Variants in ADAM32 observed in about 807,000 individuals in gnomAD.
ADAM32 encodes the protein ADAM metallopeptidase domain 32, also known as disintegrin and metalloproteinase domain-containing protein 32.
Under a neutral mutation model 114.9 loss-of-function variants are expected in ADAM32, and 89 were observed. That is an observed-to-expected ratio of 0.77 (90% CI 0.65 to 0.92). The LOEUF is 0.92. ADAM32 is among the 40% of genes least tolerant of loss of function. The pLI is 0.00. For synonymous variants in ADAM32, 285 were observed against 307.5 expected (o/e 0.93, Z 0.77); for missense variants, 870 against 932.8 (o/e 0.93, Z 0.88).
At position 39,267,450 on chromosome 8, in the gene ADAM32, G is replaced by C. The variant is rs1337510089; in HGVS notation, c.2163-3426G>C. 7.2e-5 allele frequency among the ~76,000 whole-genome samples: 11 copies of C among 152,162 alleles called. No individual in the cohort carries two copies. The East Asian group carries it at 1.9e-3, about 27-fold the overall frequency. ...TTTTATTGCTGAGAACTACTCAGCT[G>C]TATGAATATACCTTAATTTTTTTAA... On this transcript the variant is annotated intron_variant, in intron 19 of 24. Transcript: ENST00000379907.
chr8:39,190,663 C>T (rs986167130), intron 11 of ADAM32, among the ~76,000 whole-genome samples: 12 of 152,062 alleles, frequency 7.9e-5, no homozygotes, highest in African/African-American at 2.4e-4. Flanking sequence ...AATATTTTTT[C>T]GTGTCAGAAA....
chr8:39,184,084 G>C (rs1050617856), intron 10 of ADAM32, among the ~76,000 whole-genome samples: 1 of 152,218 alleles, frequency 6.6e-6, no homozygotes, highest in Non-Finnish European at 1.5e-5. Flanking sequence ...TAGAGTGCTC[G>C]AGCTGTTTAG....
intron 17 of ADAM32, among the ~76,000 whole-genome samples, chr8:39,253,929 A>G (rs1811466072): frequency 6.6e-6 from 1 of 151,626 alleles, no homozygotes. Flanking sequence ...GATGAAAAAA[A>G]TCCAGATAAT....
chr8:39,170,941 T>C (rs1302582593), intron 10 of ADAM32, among the ~76,000 whole-genome samples: 1 of 151,962 alleles, frequency 6.6e-6, no homozygotes, highest in Non-Finnish European at 1.5e-5. Flanking sequence ...TTCTAGTATA[T>C]ATATATATAT....
intron 5 of ADAM32, among the ~76,000 whole-genome samples, chr8:39,150,901 A>G (rs910040500): frequency 7.4e-5 from 10 of 134,880 alleles, no homozygotes; most frequent in African/African-American, 2.0e-4. Flanking sequence ...TACATTTGTC[A>G]TATATGCAGT....
At chr8:39,148,285 A>G (rs886754681) in intron 4 of ADAM32, among the ~76,000 whole-genome samples, 24 of 152,124 alleles carry the variant, frequency 1.6e-4, no homozygotes, top group Non-Finnish European at 2.9e-5. Context: ...TGTTCTTCAA[A>G]TATAATAGCT....
At chr8:39,130,979 C>G (rs1483130915) in intron 2 of ADAM32, 1 of 276,726 alleles carries the variant, frequency 3.6e-6, no homozygotes, top group African/African-American at 3.5e-5. Flanking sequence ...TTTTTTGAGA[C>G]AGAGTCTTGC....
chr8:39,115,584 A>G (rs1020876028), intron 1 of ADAM32, among the ~76,000 whole-genome samples: 23 of 148,612 alleles, frequency 1.5e-4, no homozygotes, highest in African/African-American at 5.4e-4. Flanking sequence ...CCATTTTTTA[A>G]TGGGTTTTTT....
intron 10 of ADAM32, among the ~76,000 whole-genome samples, chr8:39,180,653 T>C (rs1186359017): frequency 6.6e-6 from 1 of 151,700 alleles, no homozygotes; most frequent in Non-Finnish European, 1.5e-5. Context: ...ATACACCAAT[T>C]GGCACTCTGT....
chr8:39,112,519 C>A (rs12548416), intron 1 of ADAM32, among the ~76,000 whole-genome samples: 40,078 of 151,962 alleles, frequency 0.26, 5,277 homozygotes, highest in South Asian at 0.31. Context: ...CAACTTTAGA[C>A]AACGTAGCCT....
In ADAM32 at chr8:39,257,241, T is replaced by G. The variant is rs372255184; in HGVS notation, c.2060T>G (p.Phe687Cys). The change falls in exon 19 of 25, where the codon TTC becomes TGC. Residue 687 changes from phenylalanine (F) to cysteine (C), a missense_variant. Physicochemically the swap from Phe to Cys is radical, Grantham distance 205. Coordinates refer to ENST00000379907, the MANE Select transcript of ADAM32 (RefSeq NM_145004.7). ...GKTENTWLLG[F>C]LIALPILIVT... ...ACTGAAAACACCTGGCTTCTAGGTT[T>G]CCTCATTGCTCTTCCTATTCTCATT... 4 of 1,612,696 alleles carry G rather than the reference T, an allele frequency of 2.5e-6. No individual in the cohort carries two copies. The African/African-American group carries it at 5.3e-5, about 22-fold the overall frequency.
chr8:39,279,007 C>A (rs1476617879), intron 22 of ADAM32, among the ~76,000 whole-genome samples: 2 of 151,850 alleles, frequency 1.3e-5, no homozygotes, highest in Non-Finnish European at 2.9e-5. Flanking sequence ...ATTTATTCCC[C>A]CCTCAATTAA....
rs761221427 is a variant in ADAM32, at chr8:39,211,171, C to T, written c.1080C>T (p.Ser360=). The T allele has an allele frequency of 1.3e-6, 2 of 1,597,590 alleles. No individual in the cohort carries two copies. The highest frequency in any genetic ancestry group is 2.3e-5 in the East Asian group (1 of 43,956). The change falls in exon 12 of 25, where the codon AGC becomes AGT. Residue 360 remains serine, a synonymous_variant. Coordinates refer to ENST00000379907, the MANE Select transcript of ADAM32 (RefSeq NM_145004.7). Reference sequence around the variant, plus strand: ...AATCCAATGGTGTGAAGACTTTTAGCAGTTGCAGTTTGAGGAGCTTTCAAA... The same window carrying T: ...AATCCAATGGTGTGAAGACTTTTAGTAGTTGCAGTTTGAGGAGCTTTCAAA... ...VVQSNGVKTF[S]SCSLRSFQNF... is the part of the protein sequence containing the mutation.
chr8:39,195,115 C>T (rs944999526), intron 11 of ADAM32, among the ~76,000 whole-genome samples: 5 of 152,172 alleles, frequency 3.3e-5, no homozygotes, highest in Non-Finnish European at 7.3e-5. Flanking sequence ...CTTCCTCCCC[C>T]TTCAGCCCAG....
At chr8:39,127,493 T>C (rs1273423948) in intron 2 of ADAM32, among the ~76,000 whole-genome samples, 1 of 152,170 alleles carries the variant, frequency 6.6e-6, no homozygotes, top group Admixed American at 6.5e-5. Flanking sequence ...TCTCTGATGA[T>C]TGTTTGTATT....
rs535386906 is a variant in ADAM32 at position 39,185,787 on chromosome 8, T to C, written c.916-1122T>C. 8.5e-5 allele frequency among the ~76,000 whole-genome samples: 13 copies of C among 152,276 alleles called. No homozygotes were observed. The South Asian group carries it at 2.7e-3, about 32-fold the overall frequency. On this transcript the variant is annotated intron_variant, in intron 10 of 24. Coordinates refer to ENST00000379907, the MANE Select transcript of ADAM32 (RefSeq NM_145004.7). ...CCTTCCAGAGCAGTACATTGATACTTCTCCTTCAAGACCATGTTGATAATT... is the reference window on the plus strand; with the variant it reads ...CCTTCCAGAGCAGTACATTGATACTCCTCCTTCAAGACCATGTTGATAATT...
At position 39,212,411 on chromosome 8, in the gene ADAM32, T is replaced by G. The variant is rs546376121; in HGVS notation, c.1233+1087T>G. ...GTACGGGTTGATGAGTTTCAACAAA[T>G]GTATATAACTATTGGTAAAATTAAG... On this transcript the variant is annotated intron_variant, in intron 12 of 24. Transcript: ENST00000379907. 2.6e-5 allele frequency among the ~76,000 whole-genome samples: 4 copies of G among 152,284 alleles called. No individual in the cohort carries two copies. In the South Asian group the frequency reaches 6.2e-4, roughly 24 times the overall value.
intron 10 of ADAM32, among the ~76,000 whole-genome samples, chr8:39,177,082 A>C (rs1805577502): frequency 6.8e-6 from 1 of 147,650 alleles, no homozygotes; most frequent in African/African-American, 2.5e-5. Context: ...TTTTGGAGAC[A>C]GGAGTCTCAC....
chr8:39,199,052 A>G (rs117894269), intron 11 of ADAM32, among the ~76,000 whole-genome samples: 4,376 of 152,246 alleles, frequency 0.029, 99 homozygotes, highest in Non-Finnish European at 0.044. Flanking sequence ...CTCCTGGCCT[A>G]TAAGGTTTCT....
Sources: allele counts gnomAD v4.1 joint callset (sites outside exome capture counted in the v4.1 genomes callset), GRCh38; gene constraint gnomAD v4.1.1; transcripts MANE v1.5; gene names NCBI Gene and HGNC (gene_info 2026-07-23, HGNC 2026-07-21).